The following STK32B variants were observed in gnomAD, a reference collection of about 807,000 sequenced individuals.
STK32B encodes the protein serine/threonine-protein kinase 32B.
Under a neutral mutation model 52.6 loss-of-function variants are expected in STK32B, and 43 were observed. The ratio of observed to expected loss-of-function variants is 0.82; its 90% CI spans 0.64 to 1.05. STK32B has a LOEUF of 1.05. STK32B is among the 50% of genes least tolerant of loss of function. STK32B has a pLI of 0.00. For synonymous variants in STK32B, 238 were observed against 204.3 expected (o/e 1.17, Z -1.41); for missense variants, 621 against 534.6 (o/e 1.16, Z -1.59).
chr4:5,028,959 C>G, the STK32B span, among the ~76,000 whole-genome samples: 1 of 152,078 alleles, frequency 6.6e-6, no homozygotes, highest in Admixed American at 6.6e-5. Context: ...ATCGCATGGC[C>G]GGAACAAGAG....
intron 1 of STK32B, among the ~76,000 whole-genome samples, chr4:5,090,245 T>C (rs889026082): frequency 7.2e-5 from 11 of 152,158 alleles, no homozygotes; most frequent in Admixed American, 5.9e-4. Flanking sequence ...TTGGCTTTTG[T>C]TGCAATTGCT....
chr4:5,444,878 C>G (rs1715240583), intron 6 of STK32B, among the ~76,000 whole-genome samples: 1 of 152,202 alleles, frequency 6.6e-6, no homozygotes, highest in African/African-American at 2.4e-5. Flanking sequence ...CTTCCTGTTT[C>G]CCAGGGCACA....
chr4:5,489,994 G>T (rs1168227145), intron 11 of STK32B, among the ~76,000 whole-genome samples: 2 of 151,972 alleles, frequency 1.3e-5, no homozygotes, highest in African/African-American at 4.8e-5. Flanking sequence ...TTAGAATTTT[G>T]TCATTGGATA....
intron 4 of STK32B, among the ~76,000 whole-genome samples, chr4:5,343,640 A>G (rs192719011): frequency 3.5e-4 from 53 of 152,360 alleles, no homozygotes; most frequent in African/African-American, 1.2e-3. Flanking sequence ...AAACCTAGGC[A>G]ATACCATTCA....
intron 1 of STK32B, among the ~76,000 whole-genome samples, chr4:5,069,859 G>A (rs749434256): frequency 6.6e-6 from 1 of 152,108 alleles, no homozygotes; most frequent in Admixed American, 6.6e-5. Flanking sequence ...GTTACCTTGG[G>A]CCAACTACTT....
chr4:5,238,963 T>G (rs1004526007), intron 3 of STK32B, among the ~76,000 whole-genome samples: 4 of 152,236 alleles, frequency 2.6e-5, no homozygotes, highest in Non-Finnish European at 5.9e-5. Context: ...AGGCATTCCT[T>G]AATGCTTTTA....
At chr4:5,497,917 T>A (rs1720429129) in intron 11 of STK32B, among the ~76,000 whole-genome samples, 1 of 152,144 alleles carries the variant, frequency 6.6e-6, no homozygotes. Context: ...GTTTTAAAAT[T>A]CAGGCTAAAA....
At chr4:5,449,151 G>A (rs1325154094) in intron 7 of STK32B, among the ~76,000 whole-genome samples, 1 of 152,176 alleles carries the variant, frequency 6.6e-6, no homozygotes, top group Non-Finnish European at 1.5e-5. Context: ...AACAAGCCTT[G>A]CCAATATGGT....
At chr4:5,154,936 C>G (rs189111779) in intron 2 of STK32B, among the ~76,000 whole-genome samples, 1 of 152,212 alleles carries the variant, frequency 6.6e-6, no homozygotes. Flanking sequence ...CCCTCCCACT[C>G]GGGATATGTG....
chr4:5,274,265 G>A (rs562819272), intron 3 of STK32B, among the ~76,000 whole-genome samples: 1 of 152,190 alleles, frequency 6.6e-6, no homozygotes, highest in Admixed American at 6.5e-5. Context: ...AGACAGTGTA[G>A]TATTGGTGCC....
At chr4:5,117,732 T>A (rs1714817058) in intron 1 of STK32B, among the ~76,000 whole-genome samples, 1 of 152,224 alleles carries the variant, frequency 6.6e-6, no homozygotes, top group Non-Finnish European at 1.5e-5. Flanking sequence ...TTTGAAGGAC[T>A]GAAATCTAAA....
At chr4:5,064,886 TAAG>T (rs1742357972) in intron 1 of STK32B, among the ~76,000 whole-genome samples, 1 of 147,716 alleles carries the variant, frequency 6.8e-6, no homozygotes, top group African/African-American at 2.5e-5. Flanking sequence ...TATTTCTCCA[TAAG>T]AAAACCTTCT....
At chr4:5,070,625 A>G (rs1420585558) in intron 1 of STK32B, among the ~76,000 whole-genome samples, 4 of 152,222 alleles carry the variant, frequency 2.6e-5, no homozygotes, top group Non-Finnish European at 4.4e-5. Context: ...GGTGGGCCCA[A>G]TACAATCCAA....
chr4:5,241,728 C>A (rs1427038073), intron 3 of STK32B, among the ~76,000 whole-genome samples: 3 of 152,060 alleles, frequency 2.0e-5, no homozygotes, highest in African/African-American at 7.2e-5. Flanking sequence ...CCTCCCTGCT[C>A]CCACCACCCC....
At chr4:5,420,330 TGAC>T (rs1712518565) in intron 6 of STK32B, among the ~76,000 whole-genome samples, 1 of 152,160 alleles carries the variant, frequency 6.6e-6, no homozygotes, top group Non-Finnish European at 1.5e-5. Context: ...CTTTTTTTGT[TGAC>T]GACCTTTCTG....
chr4:5,143,626 C>G (rs773530902), intron 2 of STK32B, among the ~76,000 whole-genome samples: 6 of 152,130 alleles, frequency 3.9e-5, no homozygotes, highest in Non-Finnish European at 8.8e-5. Context: ...ACAGACACAC[C>G]TCTCAGCCCT....
intron 6 of STK32B, among the ~76,000 whole-genome samples, chr4:5,432,652 G>C (rs1713690657): frequency 6.6e-6 from 1 of 152,142 alleles, no homozygotes; most frequent in South Asian, 2.1e-4. Context: ...CTGGCACAAT[G>C]GGTGTAATAA....
chr4:5,363,877 G>A (rs775429160), intron 4 of STK32B, among the ~76,000 whole-genome samples: 28 of 151,890 alleles, frequency 1.8e-4, no homozygotes, highest in Admixed American at 5.2e-4. Flanking sequence ...CTTAGTTACC[G>A]AGAAGGAAAA....
chr4:5,362,342 T>C (rs1734598544), intron 4 of STK32B, among the ~76,000 whole-genome samples: 1 of 152,182 alleles, frequency 6.6e-6, no homozygotes, highest in African/African-American at 2.4e-5. Context: ...CAATTCTTCC[T>C]CTCCCATTCC....
Sources: allele counts gnomAD v4.1 joint callset (sites outside exome capture counted in the v4.1 genomes callset), GRCh38; gene constraint gnomAD v4.1.1; transcripts MANE v1.5; gene names NCBI Gene and HGNC (gene_info 2026-07-23, HGNC 2026-07-21).